The following OLFML2B variants were observed in gnomAD, a reference collection of about 807,000 sequenced individuals.
The protein encoded by OLFML2B is olfactomedin like 2B.
In OLFML2B, 57 loss-of-function variants were observed where a neutral mutation model predicts 74.9. The ratio of observed to expected loss-of-function variants is 0.76; its 90% CI spans 0.61 to 0.95. The LOEUF is 0.95. OLFML2B is among the 40% of genes least tolerant of loss of function. The probability of loss-of-function intolerance (pLI) is 0.00; values close to 1 mark genes in which losing one functional copy is unlikely to be tolerated. For synonymous variants in OLFML2B, 388 were observed against 405.8 expected, an observed-to-expected ratio of 0.96 and a Z score of 0.53; for missense variants, 986 against 970.6, an observed-to-expected ratio of 1.02 and a Z score of -0.21.
intron 3 of OLFML2B, among the ~76,000 whole-genome samples, chr1:162,010,919 C>A (rs1261934066): frequency 6.6e-6 from 1 of 152,058 alleles, no homozygotes; most frequent in Non-Finnish European, 1.5e-5. Context: ...TAAGGGGCTG[C>A]ATGTGGTACA....
In OLFML2B at chr1:161,998,424, A is replaced by G. The variant is rs2101959093; in HGVS notation, c.950-75T>C. 1.3e-6 allele frequency: 2 copies of G among 1,483,242 alleles called. 1 individual carries two copies. Among genetic ancestry groups the G allele is most frequent in the Middle Eastern group, 3.7e-4 (2 of 5,406 alleles). The allele number at this position is 1,483,242 out of a possible 1,614,324, so 91.9% of individuals were successfully genotyped here. A position where few individuals can be genotyped will look rare whatever the true frequency, so the allele number is the denominator to read the frequency against. ...CAGATGACAAGAGCACATGGCAATG[A>G]GCAGGTGAATTAGAGGGTGCCTTTC... is the stretch of plus-strand genomic sequence containing the variant. On this transcript the variant is annotated intron_variant, in intron 5 of 7. Transcript: ENST00000294794.
Position 162,023,367 on chromosome 1 carries a change from T to G in OLFML2B, c.64A>C (p.Ser22Arg), listed in dbSNP as rs375399284. The change falls in exon 1 of 8, where the codon AGC becomes CGC. Residue 22 changes from serine (S) to arginine (R), a missense_variant. Coordinates refer to ENST00000294794, the MANE Select transcript of OLFML2B (RefSeq NM_015441.3). ...TCGCTTGTCCCTGTGAGGACAATGCTGGACACCCAGGCCGGAACCACAATC... is the reference window on the plus strand; with the variant it reads ...TCGCTTGTCCCTGTGAGGACAATGCGGGACACCCAGGCCGGAACCACAATC... ...ALIVVPAWVS[S>R]IVLTGTSEPP... is the part of the protein sequence containing the mutation. The G allele has an allele frequency of 3.0e-5, 48 of 1,606,176 alleles. No individual in the cohort carries two copies. The highest frequency in any genetic ancestry group is 3.5e-5 in the Non-Finnish European group (41 of 1,175,408).
rs1420586906 is a variant in OLFML2B at position 162,013,534 on chromosome 1, T to G, written c.546+3866A>C. On this transcript the variant is annotated intron_variant, in intron 3 of 7. Coordinates refer to ENST00000294794, the MANE Select transcript of OLFML2B (RefSeq NM_015441.3). ...AACTTTTATACCCTGCTGGAGGCAA[T>G]GTAAACTTATACTACCACTTTGGAA... Among the ~76,000 whole-genome samples, 3 of 152,184 alleles carry G rather than the reference T, an allele frequency of 2.0e-5. No homozygotes were observed. In the East Asian group the frequency reaches 5.8e-4, roughly 29 times the overall value.
intron 5 of OLFML2B, among the ~76,000 whole-genome samples, chr1:161,999,372 A>G (rs1057277006): frequency 6.6e-6 from 1 of 152,078 alleles, no homozygotes; most frequent in South Asian, 2.1e-4. Flanking sequence ...AATCAATGAC[A>G]CAAAAAAAAT....
chr1:162,005,866 C>G (rs775058424), intron 4 of OLFML2B, among the ~76,000 whole-genome samples: 3 of 139,922 alleles, frequency 2.1e-5, no homozygotes, highest in Non-Finnish European at 4.5e-5. Context: ...GATCACAACA[C>G]TGCACTCCAG....
chr1:162,022,869 T>C (rs1690764568), intron 1 of OLFML2B, among the ~76,000 whole-genome samples: 1 of 152,148 alleles, frequency 6.6e-6, no homozygotes, highest in Admixed American at 6.5e-5. Context: ...TATCTCCCGA[T>C]GGGATATGCC....
At position 161,998,049 on chromosome 1, in the gene OLFML2B, G is replaced by A. The variant is rs775923027; in HGVS notation, c.1250C>T (p.Pro417Leu). The change falls in exon 6 of 8, where the codon CCA (proline) becomes CTA (leucine). Residue 417 changes from proline to leucine, a missense_variant. Pro to Leu is a moderately conservative substitution (Grantham distance 98). Coordinates refer to ENST00000294794, the MANE Select transcript of OLFML2B (RefSeq NM_015441.3). ...GGCTGTGTGGGCCACAGTGGTGGCT[G>A]GTACCTGAGGAGAAGGCTGCAGGAC... Reference protein sequence around the residue: ...ESVLQPSPQVPATTVAHTATQ... With the variant: ...ESVLQPSPQVLATTVAHTATQ... 2 of 1,614,042 alleles carry A rather than the reference G, an allele frequency of 1.2e-6. No homozygotes were observed. Among genetic ancestry groups the A allele is most frequent in the Admixed American group, 3.3e-5 (2 of 60,032 alleles).
At chr1:161,984,581 T>C (rs984290022) in intron 7 of OLFML2B, among the ~76,000 whole-genome samples, 1 of 150,572 alleles carries the variant, frequency 6.6e-6, no homozygotes, top group Admixed American at 6.6e-5. Flanking sequence ...GACTCGGAGG[T>C]TTTTCCATGT....
intron 3 of OLFML2B, among the ~76,000 whole-genome samples, chr1:162,011,797 A>G (rs1690396613): frequency 6.6e-6 from 1 of 152,196 alleles, no homozygotes; most frequent in Non-Finnish European, 1.5e-5. Context: ...ATGAATTTCT[A>G]TATTAGGGTA....
intron 7 of OLFML2B, 69 bp downstream of exon 7, chr1:161,984,735 C>T: frequency 1.3e-6 from 2 of 1,507,274 alleles, no homozygotes; most frequent in South Asian, 1.2e-5. Context: ...CCAAAGAGGC[C>T]TGGCTGTGAT....
intron 2 of OLFML2B, among the ~76,000 whole-genome samples, chr1:162,019,484 T>C (rs1690636480): frequency 6.6e-6 from 1 of 152,192 alleles, no homozygotes; most frequent in Non-Finnish European, 1.5e-5. Flanking sequence ...CACAGTTTGA[T>C]GACCCAATCT....
intron 6 of OLFML2B, among the ~76,000 whole-genome samples, chr1:161,996,153 T>C (rs1185140641): frequency 6.6e-6 from 1 of 152,206 alleles, no homozygotes; most frequent in African/African-American, 2.4e-5. Context: ...CTATGGGCTA[T>C]TTCACTGCTG....
intron 4 of OLFML2B, 47 bp from the exon 5 acceptor site, chr1:162,000,385 G>A: frequency 6.5e-7 from 1 of 1,537,224 alleles, no homozygotes; most frequent in Admixed American, 1.8e-5. Context: ...ACTGGTCAGA[G>A]AGGCAGTGGG....
At chr1:161,994,516 C>G (rs1229823374) in intron 6 of OLFML2B, among the ~76,000 whole-genome samples, 1 of 152,260 alleles carries the variant, frequency 6.6e-6, no homozygotes, top group Non-Finnish European at 1.5e-5. Flanking sequence ...AAACCAGCCC[C>G]TTCTACAAAA....
At chr1:162,008,019 T>G (rs1362437619) in intron 3 of OLFML2B, among the ~76,000 whole-genome samples, 1 of 152,062 alleles carries the variant, frequency 6.6e-6, no homozygotes, top group Non-Finnish European at 1.5e-5. Flanking sequence ...TCTTCCCGGG[T>G]GCGCAGTCAC....
chr1:162,000,733 G>A lies in OLFML2B; in HGVS notation c.724-395C>T, dbSNP rs376691646. 5.3e-5 allele frequency among the ~76,000 whole-genome samples: 8 copies of A among 152,262 alleles called. No homozygotes were observed. The East Asian group carries it at 1.5e-3, about 29-fold the overall frequency. On this transcript the variant is annotated intron_variant, in intron 4 of 7. Transcript: ENST00000294794. ...TGGATCTGGCCTAGGGATGCTGGGT[G>A]ACTTAGATCTGGTGTAAGTTGTTTT... is the stretch of plus-strand genomic sequence containing the variant.
intron 3 of OLFML2B, among the ~76,000 whole-genome samples, chr1:162,012,880 G>A (rs1254780906): frequency 6.6e-6 from 1 of 152,220 alleles, no homozygotes; most frequent in Non-Finnish European, 1.5e-5. Context: ...GATGCTAGAA[G>A]ATTATTATAA....
chr1:162,005,589 T>C (rs974788688), intron 4 of OLFML2B, among the ~76,000 whole-genome samples: 4 of 152,098 alleles, frequency 2.6e-5, no homozygotes, highest in Non-Finnish European at 5.9e-5. Flanking sequence ...TAAAAGAGGG[T>C]GCTACTAATA....
chr1:162,017,961 A>T (rs916787372), intron 2 of OLFML2B, among the ~76,000 whole-genome samples: 1 of 152,222 alleles, frequency 6.6e-6, no homozygotes, highest in East Asian at 1.9e-4. Context: ...CATGAAAAAA[A>T]TGAGATCATG....
Sources: gnomAD v4.1 joint callset for allele counts (sites outside exome capture counted in the v4.1 genomes callset) on GRCh38, gnomAD v4.1.1 for gene constraint, MANE v1.5 for transcripts, NCBI Gene and HGNC (gene_info 2026-07-23, HGNC 2026-07-21) for gene names.